The following EDA variants were observed in gnomAD, a reference collection of about 807,000 sequenced individuals.
EDA encodes ectodysplasin A.
In EDA, 2 loss-of-function variants were observed where a neutral mutation model predicts 23.6. The observed-to-expected ratio is 0.08, with a 90% CI of 0.03 to 0.27. The LOEUF (loss-of-function observed/expected upper bound fraction) is 0.27. Ranked by LOEUF, EDA falls within the 10% of genes least tolerant of loss-of-function variation. The pLI is 1.00. For missense variants in EDA, 229 were observed against 324.2 expected (o/e 0.71, Z 2.26); for synonymous variants, 131 against 132.0 (o/e 0.99, Z 0.05).
chrX:69,786,122 G>C (rs1487475207), intron 1 of EDA, among the ~76,000 whole-genome samples: 1 of 109,831 alleles, frequency 9.1e-6, no homozygotes, highest in African/African-American at 3.3e-5. Context: ...TTGTATTTCT[G>C]TGGGATCAGT....
intron 1 of EDA, among the ~76,000 whole-genome samples, chrX:69,634,657 G>T (rs5936709): frequency 0.06 from 6,581 of 110,166 alleles, 203 homozygotes; most frequent in Non-Finnish European, 0.088. Flanking sequence ...TGGTTTCCAT[G>T]GCAATAGGCT....
chrX:69,643,859 T>C (rs1427664521), intron 1 of EDA, among the ~76,000 whole-genome samples: 2 of 111,986 alleles, frequency 1.8e-5, no homozygotes, highest in African/African-American at 6.5e-5. Flanking sequence ...ATTTATTAAA[T>C]AGGGAATCGT....
chrX:69,924,535 G>T (rs1212697852), intron 1 of EDA, among the ~76,000 whole-genome samples: 1 of 111,775 alleles, frequency 8.9e-6, no homozygotes, highest in Non-Finnish European at 1.9e-5. Context: ...GTACCGTGCT[G>T]TTTTGGTTAC....
rs1177004238 is a variant in EDA, at chrX:69,763,597, A to G, written c.396+146893A>G. ...GCAGTATAATGAAGGTATATTATTA[A>G]ACATTTAAATAGCCTCACTTACTGA... On this transcript the variant is annotated intron_variant, in intron 1 of 7. Coordinates refer to ENST00000374552, the MANE Select transcript of EDA (RefSeq NM_001399.5). Among the ~76,000 whole-genome samples the G allele has an allele frequency of 3.6e-5, 4 of 112,218 alleles. No individual in the cohort carries two copies. In the East Asian group the frequency reaches 1.1e-3, roughly 31 times the overall value.
At chrX:69,746,726 C>T (rs534726335) in intron 1 of EDA, among the ~76,000 whole-genome samples, 1 of 110,999 alleles carries the variant, frequency 9.0e-6, no homozygotes, top group South Asian at 3.9e-4. Flanking sequence ...GATTCCTACC[C>T]TCCTCTTTGC....
At chrX:69,709,672 A>G (rs1451489133) in intron 1 of EDA, among the ~76,000 whole-genome samples, 1 of 110,672 alleles carries the variant, frequency 9.0e-6, no homozygotes, top group African/African-American at 3.3e-5. Context: ...TTTCAGCATT[A>G]TTTTTTTCTC....
chrX:69,857,751 TTTA>T (rs2017291599), intron 1 of EDA, among the ~76,000 whole-genome samples: 1 of 109,910 alleles, frequency 9.1e-6, no homozygotes, highest in African/African-American at 3.3e-5. Context: ...GATTGTTTGT[TTTA>T]TCTAGTTCTG....
chrX:69,703,315 G>C (rs2011589861), intron 1 of EDA, among the ~76,000 whole-genome samples: 1 of 111,789 alleles, frequency 8.9e-6, no homozygotes. Context: ...TGACTGATGT[G>C]CATGCACAGA....
intron 2 of EDA, among the ~76,000 whole-genome samples, chrX:70,009,608 G>A (rs1256362522): frequency 9.2e-6 from 1 of 108,545 alleles, no homozygotes; most frequent in African/African-American, 3.5e-5. Context: ...TTGTTTTGAT[G>A]CGGAGTCTCG....
chrX:69,887,406 G>A (rs1018501348), intron 1 of EDA, among the ~76,000 whole-genome samples: 6 of 111,737 alleles, frequency 5.4e-5, no homozygotes, highest in Non-Finnish European at 9.4e-5. Flanking sequence ...ACTAAATGGC[G>A]CTAAAGAATA....
chrX:69,953,199 G>T (rs2147413361), intron 1 of EDA, among the ~76,000 whole-genome samples: 1 of 112,336 alleles, frequency 8.9e-6, no homozygotes, highest in Non-Finnish European at 1.9e-5. Flanking sequence ...TAAATGTCAA[G>T]CCTATAGCAG....
intron 1 of EDA, among the ~76,000 whole-genome samples, chrX:69,717,523 T>C (rs1472742193): frequency 9.5e-6 from 1 of 105,456 alleles, no homozygotes; most frequent in Non-Finnish European, 2.0e-5. Flanking sequence ...TCAAATTGTT[T>C]TTTTTTTTTT....
At chrX:69,625,278 T>C (rs887869680) in intron 1 of EDA, among the ~76,000 whole-genome samples, 6 of 111,322 alleles carry the variant, frequency 5.4e-5, no homozygotes, top group Admixed American at 9.5e-5. Context: ...TCAAGGAACA[T>C]GTTCTTGACA....
At chrX:69,956,938 A>G (rs1402088592) in intron 1 of EDA, 89 bp from the exon 2 acceptor site, 2 of 788,357 alleles carry the variant, frequency 2.5e-6, no homozygotes, top group Non-Finnish European at 3.9e-6. Context: ...CTTAAGGTAC[A>G]GGTAGACTGT....
intron 1 of EDA, among the ~76,000 whole-genome samples, chrX:69,620,159 A>G (rs1313558257): frequency 1.8e-5 from 2 of 112,354 alleles, no homozygotes; most frequent in African/African-American, 6.5e-5. Flanking sequence ...AGTTCAATAA[A>G]TAGAAAGCCT....
chrX:69,802,005 C>T lies in EDA; in HGVS notation c.397-155022C>T, dbSNP rs771384814. ...TGACCCAGGCACTTTTACTCCTAGG[C>T]GAATTCCTGGAGAGACTTTCTCATG... On this transcript the variant is annotated intron_variant, in intron 1 of 7. Coordinates refer to ENST00000374552, the MANE Select transcript of EDA (RefSeq NM_001399.5). 3.6e-5 allele frequency among the ~76,000 whole-genome samples: 4 copies of T among 111,406 alleles called. No individual in the cohort carries two copies. In the Admixed American group the frequency reaches 3.8e-4, roughly 11 times the overall value.
chrX:69,926,707 A>G (rs2018523570), intron 1 of EDA, among the ~76,000 whole-genome samples: 1 of 111,460 alleles, frequency 9.0e-6, no homozygotes, highest in Non-Finnish European at 1.9e-5. Context: ...AGTCCTGAAT[A>G]TTCTTGTTAA....
At chrX:69,902,316 T>C (rs1271194135) in intron 1 of EDA, among the ~76,000 whole-genome samples, 1 of 111,796 alleles carries the variant, frequency 8.9e-6, no homozygotes, top group Non-Finnish European at 1.9e-5. Flanking sequence ...CTTTGGACAC[T>C]CCCTGATTGA....
intron 1 of EDA, among the ~76,000 whole-genome samples, chrX:69,749,095 C>G (rs1463529130): frequency 2.8e-5 from 2 of 71,588 alleles, no homozygotes; most frequent in East Asian, 1.1e-3. Flanking sequence ...CCCCTCCCCC[C>G]TCCCCACCAC....
Sources: allele counts gnomAD v4.1 joint callset (sites outside exome capture counted in the v4.1 genomes callset), GRCh38; gene constraint gnomAD v4.1.1; transcripts MANE v1.5; gene names NCBI Gene and HGNC (gene_info 2026-07-23, HGNC 2026-07-21).